Variants in KCNH8 observed in about 807,000 individuals in gnomAD.
KCNH8 encodes the protein potassium voltage-gated channel subfamily H member 8.
A neutral mutation model predicts 103.6 loss-of-function variants in KCNH8; 70 were observed. The observed-to-expected ratio is 0.68, with a 90% CI of 0.56 to 0.82. The LOEUF (loss-of-function observed/expected upper bound fraction) is 0.82, where lower values mean the gene tolerates loss of function less well. KCNH8 is among the 40% of genes least tolerant of loss of function. The pLI, the probability that KCNH8 is intolerant of heterozygous loss-of-function variation, is 0.00. For missense variants in KCNH8, 1,217 were observed against 1,329.9 expected (o/e 0.92, Z 1.32); for synonymous variants, 498 against 489.4 (o/e 1.02, Z -0.23).
At chr3:19,214,387 T>C (rs2063799324) in intron 1 of KCNH8, among the ~76,000 whole-genome samples, 1 of 152,220 alleles carries the variant, frequency 6.6e-6, no homozygotes, top group Non-Finnish European at 1.5e-5. Flanking sequence ...TAGCTGTCCC[T>C]TTCCTTGGAT....
chr3:19,373,574 A>G (rs1048699988), intron 5 of KCNH8, among the ~76,000 whole-genome samples: 1 of 151,696 alleles, frequency 6.6e-6, no homozygotes. Flanking sequence ...TGGATTCATT[A>G]ATTTTTTGAA....
chr3:19,287,387 G>T (rs2064846348), intron 3 of KCNH8, among the ~76,000 whole-genome samples: 2 of 152,160 alleles, frequency 1.3e-5, no homozygotes, highest in South Asian at 4.1e-4. Flanking sequence ...GCAGTTTCAA[G>T]AGAGTGCTGG....
At chr3:19,510,453 C>A in intron 12 of KCNH8, 52 bp downstream of exon 12, 1 of 1,078,720 alleles carries the variant, frequency 9.3e-7, no homozygotes, top group Non-Finnish European at 1.4e-6. Flanking sequence ...GGAGGATTAC[C>A]AATAAATCTG....
chr3:19,319,829 T>A (rs1238900730), intron 3 of KCNH8, among the ~76,000 whole-genome samples: 1 of 152,098 alleles, frequency 6.6e-6, no homozygotes, highest in Non-Finnish European at 1.5e-5. Context: ...GTGTTGTCTA[T>A]GATTTCTTTC....
chr3:19,219,002 T>C (rs902651712), intron 1 of KCNH8, among the ~76,000 whole-genome samples: 1 of 152,172 alleles, frequency 6.6e-6, no homozygotes, highest in African/African-American at 2.4e-5. Context: ...GTACTAGGGG[T>C]TGGGACTTCA....
At chr3:19,308,700 CTCTCTCTCTCT>C (rs1559470053) in intron 3 of KCNH8, among the ~76,000 whole-genome samples, 2 of 79,838 alleles carry the variant, frequency 2.5e-5, no homozygotes, top group African/African-American at 1.3e-4. Flanking sequence ...CTCTCTCTCT[CTCTCTCTCTCT>C]CTCTCTCCCC....
intron 2 of KCNH8, among the ~76,000 whole-genome samples, chr3:19,265,277 A>G (rs535202530): frequency 1.4e-3 from 219 of 152,180 alleles, no homozygotes; most frequent in African/African-American, 5.1e-3. Flanking sequence ...ACTTTTCAGC[A>G]CACATTATCA....
chr3:19,435,366 T>C (rs1332758172), intron 7 of KCNH8, among the ~76,000 whole-genome samples: 2 of 152,184 alleles, frequency 1.3e-5, no homozygotes, highest in Non-Finnish European at 2.9e-5. Context: ...TTCCTAAGTC[T>C]TTGTGATTAT....
chr3:19,173,470 T>C (rs374979853), intron 1 of KCNH8, among the ~76,000 whole-genome samples: 1 of 152,200 alleles, frequency 6.6e-6, no homozygotes, highest in East Asian at 1.9e-4. Flanking sequence ...ATTCAACCAA[T>C]AGAACTATTT....
At chr3:19,438,543 G>C (rs983998984) in intron 8 of KCNH8, among the ~76,000 whole-genome samples, 182 bp downstream of exon 8, 1 of 152,056 alleles carries the variant, frequency 6.6e-6, no homozygotes, top group African/African-American at 2.4e-5. Context: ...ATGTAAAAAA[G>C]GACTTGAGAG....
intron 7 of KCNH8, among the ~76,000 whole-genome samples, chr3:19,433,829 C>T (rs1006018441): frequency 6.6e-6 from 1 of 152,166 alleles, no homozygotes; most frequent in African/African-American, 2.4e-5. Flanking sequence ...CACTAAATGC[C>T]GTTACGGCTT....
chr3:19,258,943 CTCTCTATA>C (rs1316447401), intron 2 of KCNH8, among the ~76,000 whole-genome samples: 204 of 53,370 alleles, frequency 3.8e-3, no homozygotes, highest in South Asian at 8.5e-3. Flanking sequence ...CTCTCTCTCT[CTCTCTATA>C]TATATATATA....
chr3:19,496,025 CTACTGATTTTCTACATTGATTT>C (rs2068433535), intron 11 of KCNH8, among the ~76,000 whole-genome samples: 1 of 152,112 alleles, frequency 6.6e-6, no homozygotes, highest in Non-Finnish European at 1.5e-5. Context: ...TACAGGAAGG[CTACTGATTTTCTACATTGATTT>C]TGTACCTGAA....
At chr3:19,298,077 T>A (rs1294019106) in intron 3 of KCNH8, among the ~76,000 whole-genome samples, 1 of 152,150 alleles carries the variant, frequency 6.6e-6, no homozygotes, top group Non-Finnish European at 1.5e-5. Flanking sequence ...TAGGTGAGAA[T>A]AATAAATAAT....
At chr3:19,359,696 T>G (rs115134359) in intron 5 of KCNH8, among the ~76,000 whole-genome samples, 3,373 of 152,166 alleles carry the variant, frequency 0.022, 46 homozygotes, top group South Asian at 0.039. Flanking sequence ...ATGTTGCCAA[T>G]TTATGCATTT....
chr3:19,449,803 C>T (rs1010806721), intron 8 of KCNH8, among the ~76,000 whole-genome samples: 1 of 152,030 alleles, frequency 6.6e-6, no homozygotes, highest in Admixed American at 6.6e-5. Flanking sequence ...AAAAGTTTAT[C>T]ATAACCAGAA....
intron 7 of KCNH8, among the ~76,000 whole-genome samples, chr3:19,400,407 T>C (rs747777593): frequency 2.0e-5 from 3 of 151,830 alleles, no homozygotes; most frequent in Non-Finnish European, 4.4e-5. Context: ...ATAGATTGTG[T>C]CTTGGTCAGT....
intron 11 of KCNH8, among the ~76,000 whole-genome samples, chr3:19,474,920 C>A (rs1330186331): frequency 6.6e-6 from 1 of 152,044 alleles, no homozygotes; most frequent in Non-Finnish European, 1.5e-5. Context: ...ATGTTAGCAT[C>A]ATATATAGAG....
chr3:19,438,473 G>A, intron 8 of KCNH8, 112 bp downstream of exon 8: 1 of 882,998 alleles, frequency 1.1e-6, no homozygotes, highest in Non-Finnish European at 1.7e-6. Context: ...AACACTGGAA[G>A]ATTCTAAAAG....
Sources: allele counts gnomAD v4.1 joint callset (sites outside exome capture counted in the v4.1 genomes callset), GRCh38; gene constraint gnomAD v4.1.1; transcripts MANE v1.5; gene names NCBI Gene and HGNC (gene_info 2026-07-23, HGNC 2026-07-21).